CNTN1: variants seen among roughly 807,000 people sequenced by gnomAD.
The protein encoded by CNTN1 is contactin 1.
In CNTN1, 38 loss-of-function variants were observed where a neutral mutation model predicts 126.4. The observed-to-expected ratio is 0.30, with a 90% CI of 0.23 to 0.39. The LOEUF (loss-of-function observed/expected upper bound fraction) is 0.39, where lower values mean the gene tolerates loss of function less well. CNTN1 is among the 10% of genes least tolerant of loss of function. CNTN1 has a pLI of 1.00. For missense variants in CNTN1, 1,009 were observed against 1,248.4 expected (o/e 0.81, Z 2.89); for synonymous variants, 413 against 422.6 (o/e 0.98, Z 0.28).
intron 17 of CNTN1, among the ~76,000 whole-genome samples, chr12:40,997,741 A>G (rs550327954): frequency 2.0e-5 from 3 of 152,322 alleles, no homozygotes; most frequent in South Asian, 4.1e-4. Flanking sequence ...CCAATTCTCC[A>G]TGATGCTGAT....
chr12:41,054,936 C>T lies in CNTN1; in HGVS notation c.2981-15023C>T, dbSNP rs964875335. Among the ~76,000 whole-genome samples the T allele has an allele frequency of 3.9e-5, 6 of 152,186 alleles. No homozygotes were observed. The South Asian group carries it at 6.2e-4, about 16-fold the overall frequency. On this transcript the variant is annotated intron_variant, in intron 23 of 23. Coordinates refer to ENST00000551295, the MANE Select transcript of CNTN1 (RefSeq NM_001843.4). The stretch of plus-strand genomic sequence containing the variant: ...TTATCGTCAGCCATTTTTAATTAGA[C>T]GAAATCCAACATTGCAAGTTTTAAA...
At chr12:40,905,024 C>T (rs191876146) in intron 1 of CNTN1, among the ~76,000 whole-genome samples, 1 of 152,304 alleles carries the variant, frequency 6.6e-6, no homozygotes, top group Admixed American at 6.5e-5. Context: ...AAGGTGAAGA[C>T]AATTAGGTTC....
At chr12:40,939,997 T>C (rs573094231) in intron 12 of CNTN1, among the ~76,000 whole-genome samples, 3 of 152,182 alleles carry the variant, frequency 2.0e-5, no homozygotes, top group African/African-American at 7.2e-5. Flanking sequence ...CATCTACCAA[T>C]GTTTTGGTGG....
At chr12:40,873,492 G>A (rs1213859802) in intron 1 of CNTN1, among the ~76,000 whole-genome samples, 2 of 151,968 alleles carry the variant, frequency 1.3e-5, no homozygotes, top group Admixed American at 1.3e-4. Context: ...TCTCCATATT[G>A]GTTTGATTGC....
chr12:40,756,143 G>A (rs1938601655), intron 1 of CNTN1, among the ~76,000 whole-genome samples: 2 of 152,062 alleles, frequency 1.3e-5, no homozygotes, highest in South Asian at 4.2e-4. Context: ...ATATAATGAA[G>A]TGATTTTTGT....
At chr12:40,890,384 C>T (rs1423490134) in intron 1 of CNTN1, among the ~76,000 whole-genome samples, 1 of 152,152 alleles carries the variant, frequency 6.6e-6, no homozygotes, top group East Asian at 1.9e-4. Flanking sequence ...ATTAGGGTTA[C>T]TCTTGCTGTT....
At chr12:41,016,650 A>G (rs1486451746) in intron 18 of CNTN1, 32 bp from the exon 19 acceptor site, 1 of 1,442,478 alleles carries the variant, frequency 6.9e-7, no homozygotes, top group East Asian at 2.3e-5. Flanking sequence ...CTGTATTACT[A>G]AAACCTACTC....
At chr12:40,855,197 A>G (rs185313844) in intron 1 of CNTN1, among the ~76,000 whole-genome samples, 13 of 152,298 alleles carry the variant, frequency 8.5e-5, no homozygotes, top group Non-Finnish European at 1.8e-4. Flanking sequence ...AACACTCCCA[A>G]AATAATTTTG....
chr12:40,848,673 C>T (rs989143039), intron 1 of CNTN1, among the ~76,000 whole-genome samples: 1 of 151,844 alleles, frequency 6.6e-6, no homozygotes, highest in East Asian at 1.9e-4. Flanking sequence ...TTTTCAAGTC[C>T]TTTCAAGGAT....
At chr12:40,886,670 A>C (rs1222996932) in intron 1 of CNTN1, among the ~76,000 whole-genome samples, 2 of 152,150 alleles carry the variant, frequency 1.3e-5, no homozygotes, top group Non-Finnish European at 2.9e-5. Context: ...GGTATTGCCT[A>C]GGTTTTCTTC....
At chr12:40,739,000 C>A (rs1200385310) in intron 1 of CNTN1, among the ~76,000 whole-genome samples, 2 of 151,914 alleles carry the variant, frequency 1.3e-5, no homozygotes, top group African/African-American at 4.8e-5. Context: ...TGGTTCTTAA[C>A]CTTGGGTGCA....
At chr12:40,704,066 A>G (rs1941671881) in intron 1 of CNTN1, among the ~76,000 whole-genome samples, 1 of 152,236 alleles carries the variant, frequency 6.6e-6, no homozygotes, top group Non-Finnish European at 1.5e-5. Flanking sequence ...GAAATATGGT[A>G]TAGTATAAAT....
intron 1 of CNTN1, among the ~76,000 whole-genome samples, chr12:40,796,817 GAC>G (rs1349700349): frequency 6.6e-6 from 1 of 152,034 alleles, no homozygotes; most frequent in Non-Finnish European, 1.5e-5. Context: ...AAAAGGTCAG[GAC>G]TGTGTGTGTC....
chr12:40,889,241 G>A (rs927637483), intron 1 of CNTN1, among the ~76,000 whole-genome samples: 4 of 152,110 alleles, frequency 2.6e-5, no homozygotes, highest in African/African-American at 9.7e-5. Context: ...CTAGATTTTA[G>A]CCATAATGTT....
intron 1 of CNTN1, among the ~76,000 whole-genome samples, chr12:40,752,497 A>T (rs1169968525): frequency 6.6e-6 from 1 of 152,106 alleles, no homozygotes. Context: ...GTCTGTTTTT[A>T]AAAAATATCT....
chr12:40,785,016 A>G (rs959446137), intron 1 of CNTN1, among the ~76,000 whole-genome samples: 2 of 152,150 alleles, frequency 1.3e-5, no homozygotes, highest in African/African-American at 4.8e-5. Flanking sequence ...TTCTAAGGAA[A>G]TGAGTAAATC....
chr12:40,937,773 C>T (rs576067802), intron 11 of CNTN1, 86 bp downstream of exon 11: 1 of 830,046 alleles, frequency 1.2e-6, no homozygotes, highest in Non-Finnish European at 2.1e-6. Flanking sequence ...ACACAAAATA[C>T]CCAGTATTGT....
At chr12:40,971,543 C>CT (rs544761896) in intron 15 of CNTN1, 12,346 of 1,161,426 alleles carry the variant, frequency 0.011, 1 homozygote, top group East Asian at 0.016. Context: ...CTGTGAAAGA[C>CT]TTTTTTTTTT....
Position 40,937,686 on chromosome 12 carries a change from G to A in CNTN1, c.1227G>A (p.Leu409=). Residue 409 remains leucine, a splice_region_variant and synonymous_variant, in exon 11 of 24, where the codon TTG becomes TTA. Coordinates refer to ENST00000551295, the MANE Select transcript of CNTN1 (RefSeq NM_001843.4). The part of the protein sequence containing the change: ...AIYANAELKI[L]ALAPTFEMNP... ...ATGCAAATGCTGAGTTGAAGATCTT[G>A]GGTCAGTATCATTTCTAATTTCTGT... 6.5e-7 allele frequency: 1 copy of A among 1,541,638 alleles called. No individual in the cohort carries two copies. The highest frequency in any genetic ancestry group is 9.0e-7 in the Non-Finnish European group (1 of 1,114,364).
Sources: gnomAD v4.1 joint callset for allele counts (sites outside exome capture counted in the v4.1 genomes callset) on GRCh38, gnomAD v4.1.1 for gene constraint, MANE v1.5 for transcripts, NCBI Gene and HGNC (gene_info 2026-07-23, HGNC 2026-07-21) for gene names.